The following PRKG1 variants were observed in gnomAD, a reference collection of about 807,000 sequenced individuals.
The protein encoded by PRKG1 is cGMP-dependent protein kinase 1.
In PRKG1, 35 loss-of-function variants were observed where a neutral mutation model predicts 88.1. The observed-to-expected ratio is 0.40, with a 90% CI of 0.30 to 0.53. The LOEUF (loss-of-function observed/expected upper bound fraction) is 0.53, where lower values mean the gene tolerates loss of function less well. Ranked by LOEUF, PRKG1 falls within the 20% of genes least tolerant of loss-of-function variation. The pLI is 0.59. For synonymous variants in PRKG1, 303 were observed against 292.5 expected (o/e 1.04, Z -0.37); for missense variants, 540 against 839.8 (o/e 0.64, Z 4.41).
chr10:51,859,197 G>T (rs186538334), intron 4 of PRKG1, among the ~76,000 whole-genome samples: 1 of 152,108 alleles, frequency 6.6e-6, no homozygotes, highest in Non-Finnish European at 1.5e-5. Flanking sequence ...ACAGATGTTC[G>T]GAAGCCCTGA....
chr10:51,748,740 T>C (rs1056339395), intron 3 of PRKG1, among the ~76,000 whole-genome samples: 10 of 152,256 alleles, frequency 6.6e-5, no homozygotes, highest in Non-Finnish European at 1.5e-4. Context: ...TCTAGATAGC[T>C]GAAATATATT....
intron 1 of PRKG1, among the ~76,000 whole-genome samples, chr10:51,052,268 G>A (rs984277625): frequency 2.6e-5 from 4 of 151,972 alleles, no homozygotes; most frequent in Non-Finnish European, 5.9e-5. Context: ...TATAAAATAT[G>A]GCCAAAGATA....
chr10:51,980,605 G>A (rs1006705832), intron 5 of PRKG1, among the ~76,000 whole-genome samples: 3 of 152,170 alleles, frequency 2.0e-5, no homozygotes, highest in African/African-American at 7.2e-5. Flanking sequence ...TTGTTATTGT[G>A]TTGGAGTCTA....
intron 2 of PRKG1, among the ~76,000 whole-genome samples, chr10:51,395,849 C>T (rs1166640821): frequency 2.0e-5 from 3 of 152,138 alleles, no homozygotes; most frequent in Admixed American, 1.3e-4. Context: ...CTAGATGACC[C>T]TGTCAGTAGG....
At chr10:51,941,903 G>T (rs373272024) in intron 5 of PRKG1, among the ~76,000 whole-genome samples, 1 of 151,760 alleles carries the variant, frequency 6.6e-6, no homozygotes, top group African/African-American at 2.4e-5. Flanking sequence ...GAATAGTGCC[G>T]CAATAAACAT....
intron 3 of PRKG1, among the ~76,000 whole-genome samples, chr10:51,537,734 A>G (rs888653949): frequency 1.3e-5 from 2 of 151,542 alleles, no homozygotes; most frequent in African/African-American, 4.9e-5. Context: ...TCTCAAAAAA[A>G]AAAAAAAAAA....
intron 3 of PRKG1, among the ~76,000 whole-genome samples, chr10:51,643,290 A>G (rs1025191557): frequency 4.6e-5 from 7 of 152,180 alleles, no homozygotes; most frequent in African/African-American, 1.4e-4. Flanking sequence ...AACTATTTTT[A>G]TTCTAATGAA....
chr10:51,973,256 A>G (rs61847499), intron 5 of PRKG1, among the ~76,000 whole-genome samples: 7,597 of 152,248 alleles, frequency 0.05, 295 homozygotes, highest in Non-Finnish European at 0.074. Flanking sequence ...CCAGCAAGCT[A>G]CACTCAACCT....
chr10:51,906,942 T>A (rs569275462), intron 4 of PRKG1, among the ~76,000 whole-genome samples: 80 of 152,328 alleles, frequency 5.3e-4, no homozygotes, highest in Middle Eastern at 3.4e-3. Flanking sequence ...CTTATTTCTA[T>A]AAAGAGTCTG....
At chr10:51,188,264 A>G (rs1271530823) in intron 2 of PRKG1, among the ~76,000 whole-genome samples, 1 of 152,038 alleles carries the variant, frequency 6.6e-6, no homozygotes, top group African/African-American at 2.4e-5. Context: ...GATGACACAG[A>G]TTCTAAGGAG....
intron 10 of PRKG1, among the ~76,000 whole-genome samples, chr10:52,254,786 G>A (rs544564669): frequency 4.2e-4 from 64 of 152,112 alleles, no homozygotes; most frequent in African/African-American, 1.3e-3. Context: ...ATTTTTGGAC[G>A]TGAGTACATA....
intron 4 of PRKG1, among the ~76,000 whole-genome samples, chr10:51,879,039 T>A (rs749033806): frequency 5.3e-5 from 8 of 152,180 alleles, no homozygotes; most frequent in African/African-American, 1.7e-4. Flanking sequence ...GTTTCTGTCC[T>A]TGTCAACCTC....
chr10:51,516,745 C>T (rs7074063), intron 3 of PRKG1, among the ~76,000 whole-genome samples: 143,924 of 152,332 alleles, frequency 0.94, 67,994 homozygotes, highest in East Asian at 1. Flanking sequence ...GCTGATGTGA[C>T]AATTTTTTCA....
Position 51,185,247 on chromosome 10 carries a change from A to G in PRKG1, c.478+31917A>G, listed in dbSNP as rs570398836. ...TCAATGGGATGTTGTGAGAATTAAG[A>G]TAATAAAAAAGAAATATTTATAAGA... On this transcript the variant is annotated intron_variant, in intron 2 of 17. Coordinates refer to ENST00000373980, the MANE Select transcript of PRKG1 (RefSeq NM_006258.4). Among the ~76,000 whole-genome samples the G allele has an allele frequency of 3.3e-5, 5 of 152,290 alleles. No individual in the cohort carries two copies. In the East Asian group the frequency reaches 9.6e-4, roughly 29 times the overall value.
rs553992018 is a variant in PRKG1 at position 51,376,548 on chromosome 10, T to A, written c.479-91175T>A. Among the ~76,000 whole-genome samples the A allele has an allele frequency of 2.6e-5, 4 of 152,336 alleles. No homozygotes were observed. The South Asian group carries it at 8.3e-4, about 32-fold the overall frequency. ...TAATACCTTTTTTTGTATTTTAAAT[T>A]AGTTTTAGAATAAATTCTCAAGGGT... On this transcript the variant is annotated intron_variant, in intron 2 of 17. Coordinates refer to ENST00000373980, the MANE Select transcript of PRKG1 (RefSeq NM_006258.4).
At chr10:51,187,322 C>A (rs1345980329) in intron 2 of PRKG1, among the ~76,000 whole-genome samples, 1 of 151,814 alleles carries the variant, frequency 6.6e-6, no homozygotes, top group African/African-American at 2.4e-5. Flanking sequence ...TAAATAAGGG[C>A]AATGAAGTAA....
intron 4 of PRKG1, among the ~76,000 whole-genome samples, chr10:51,887,663 A>C (rs10762471): frequency 0.76 from 115,679 of 152,170 alleles, 44,568 homozygotes; most frequent in African/African-American, 0.89. Context: ...GTTTGGATTT[A>C]ATTTTTCCAA....
At chr10:51,047,393 T>G (rs976722294) in intron 1 of PRKG1, among the ~76,000 whole-genome samples, 1 of 152,212 alleles carries the variant, frequency 6.6e-6, no homozygotes. Flanking sequence ...CGTAGCTTGT[T>G]GCCTGTCATA....
intron 2 of PRKG1, among the ~76,000 whole-genome samples, chr10:51,182,827 A>C (rs1438912556): frequency 6.6e-6 from 1 of 152,230 alleles, no homozygotes; most frequent in African/African-American, 2.4e-5. Flanking sequence ...AACAGCCTTC[A>C]AGAATTGTCG....
Sources: allele counts gnomAD v4.1 joint callset (sites outside exome capture counted in the v4.1 genomes callset), GRCh38; gene constraint gnomAD v4.1.1; transcripts MANE v1.5; gene names NCBI Gene and HGNC (gene_info 2026-07-23, HGNC 2026-07-21).